The following CNTLN variants were observed in gnomAD, a reference collection of about 807,000 sequenced individuals.
CNTLN encodes centlein, also known as centlein, centrosomal protein.
CNTLN carries 212 observed loss-of-function variants against 180.0 expected under a neutral mutation model. The ratio of observed to expected loss-of-function variants is 1.18; its 90% CI spans 1.05 to 1.32. The LOEUF is 1.32. CNTLN is among the 40% of genes most tolerant of loss of function. CNTLN has a pLI of 0.00. For synonymous variants in CNTLN, 722 were observed against 563.1 expected (o/e 1.28, Z -3.99); for missense variants, 2,095 against 1,610.9 (o/e 1.30, Z -5.14).
Position 17,484,295 on chromosome 9 carries a change from G to C in CNTLN, c.3856G>C (p.Ala1286Pro), listed in dbSNP as rs201242862. 32 of 1,592,290 alleles carry C rather than the reference G, an allele frequency of 2.0e-5. No homozygotes were observed. The highest frequency in any genetic ancestry group is 2.7e-5 in the Non-Finnish European group (32 of 1,174,034). The change falls in exon 24 of 26, where the codon GCT becomes CCT. Residue 1286 changes from alanine to proline, a missense_variant and splice_region_variant. Ala to Pro is a conservative substitution (Grantham distance 27). Transcript: ENST00000380647. ...TCAATTTCTTTCCAATATGTTACAG[G>C]CTTTGGCCAAAGAGTTGCAAAATGA... ...KVEEFTTFVKALAKELQNDVH... is the reference protein window; with the variant it reads ...KVEEFTTFVKPLAKELQNDVH...
At chr9:17,427,758 T>C (rs1240087708) in intron 18 of CNTLN, among the ~76,000 whole-genome samples, 2 of 152,184 alleles carry the variant, frequency 1.3e-5, no homozygotes, top group Non-Finnish European at 2.9e-5. Context: ...TAAGCCAGTG[T>C]TGGGGCTCTC....
Position 17,466,767 on chromosome 9 carries a change from T to G in CNTLN, c.3731T>G (p.Ile1244Ser). ...ISETESAMAE[I>S]ETAASKQLQE... ...GAGACTGAATCTGCAATGGCAGAAA[T>G]TGAAACAGCAGCATCTAAGCAGCTT... Residue 1244 changes from isoleucine (I) to serine (S), a missense_variant, in exon 23 of 26, where the codon ATT becomes AGT. By Grantham distance (142) the Ile-to-Ser change is moderately radical (BLOSUM62 -2). Coordinates refer to ENST00000380647, the MANE Select transcript of CNTLN (RefSeq NM_017738.4). 6.2e-7 allele frequency: 1 copy of G among 1,610,846 alleles called. No homozygotes were observed. Among genetic ancestry groups the G allele is most frequent in the South Asian group, 1.1e-5 (1 of 90,938 alleles).
chr9:17,301,308 C>T (rs1449406880), intron 7 of CNTLN: 5 of 985,298 alleles, frequency 5.1e-6, no homozygotes, highest in Middle Eastern at 5.2e-4. Context: ...AAACACTTTT[C>T]TTCTAGGATT....
intron 18 of CNTLN, 110 bp downstream of exon 18, chr9:17,416,299 T>TA (rs1412047989): frequency 1.1e-6 from 1 of 886,838 alleles, no homozygotes; most frequent in South Asian, 2.1e-5. Flanking sequence ...CTATGAGTTT[T>TA]AAAAAATCCC....
chr9:17,135,412 T>C lies in CNTLN; in HGVS notation c.347T>C (p.Leu116Ser). The stretch of plus-strand genomic sequence containing the variant: ...GAGCTGAGCAGCCTAAAGGAGGAGT[T>C]GGCCCTGTGTCAGGTATCGAGGAGT... ...EEELSSLKEE[L>S]ALCQADKEFV... Residue 116 changes from leucine (L) to serine (S), a missense_variant, in exon 1 of 26, where the codon TTG (leucine) becomes TCG (serine). Physicochemically the swap from Leu to Ser is moderately radical, Grantham distance 145. Transcript: ENST00000380647. The C allele has an allele frequency of 6.3e-7, 1 of 1,596,662 alleles. No individual in the cohort carries two copies. Among genetic ancestry groups the C allele is most frequent in the South Asian group, 1.1e-5 (1 of 87,540 alleles).
intron 5 of CNTLN, among the ~76,000 whole-genome samples, chr9:17,265,158 TATG>T: frequency 6.7e-6 from 1 of 149,574 alleles, no homozygotes; most frequent in Non-Finnish European, 1.5e-5. Context: ...GCCCATTCAG[TATG>T]ATATTGGCTG....
chr9:17,354,674 C>T (rs553716834), intron 12 of CNTLN, among the ~76,000 whole-genome samples: 12 of 152,158 alleles, frequency 7.9e-5, no homozygotes, highest in African/African-American at 1.2e-4. Flanking sequence ...CACCAATCAG[C>T]GCCCTGTCAA....
intron 5 of CNTLN, among the ~76,000 whole-genome samples, chr9:17,246,309 C>T (rs1265850113): frequency 6.6e-6 from 1 of 152,198 alleles, no homozygotes; most frequent in Non-Finnish European, 1.5e-5. Context: ...CATAGAAATA[C>T]TGCCTTGGTG....
intron 2 of CNTLN, among the ~76,000 whole-genome samples, chr9:17,143,630 A>G (rs938508879): frequency 1.3e-5 from 2 of 152,154 alleles, no homozygotes; most frequent in Non-Finnish European, 2.9e-5. Flanking sequence ...TGTCTTAAAT[A>G]CTGTGTGTGT....
chr9:17,294,534 G>A (rs1355245420), intron 6 of CNTLN, among the ~76,000 whole-genome samples: 1 of 151,222 alleles, frequency 6.6e-6, no homozygotes, highest in Non-Finnish European at 1.5e-5. Context: ...TAGATACAGA[G>A]TGCTGATTGG....
intron 18 of CNTLN, among the ~76,000 whole-genome samples, chr9:17,435,186 G>A (rs1274328560): frequency 2.0e-5 from 3 of 152,104 alleles, no homozygotes; most frequent in Non-Finnish European, 2.9e-5. Flanking sequence ...CTGGAGCTTA[G>A]TGCCTAGAGT....
At chr9:17,139,737 C>G (rs376985636) in intron 1 of CNTLN, among the ~76,000 whole-genome samples, 1 of 152,124 alleles carries the variant, frequency 6.6e-6, no homozygotes, top group South Asian at 2.1e-4. Flanking sequence ...GACAGTCTCC[C>G]TCTGTCACCC....
At chr9:17,492,859 G>A (rs1369801249) in intron 25 of CNTLN, among the ~76,000 whole-genome samples, 1 of 152,100 alleles carries the variant, frequency 6.6e-6, no homozygotes, top group Non-Finnish European at 1.5e-5. Context: ...TGAATGAATG[G>A]ATAAACAAAA....
chr9:17,424,932 G>T (rs1269453366), intron 18 of CNTLN, among the ~76,000 whole-genome samples: 1 of 152,064 alleles, frequency 6.6e-6, no homozygotes, highest in African/African-American at 2.4e-5. Context: ...TTATAAATTG[G>T]CTAGTTTGTG....
At chr9:17,454,021 A>T (rs1046917604) in intron 18 of CNTLN, among the ~76,000 whole-genome samples, 1 of 152,198 alleles carries the variant, frequency 6.6e-6, no homozygotes, top group African/African-American at 2.4e-5. Context: ...TAATGTAATC[A>T]TGGGAATGAT....
At chr9:17,413,600 G>A (rs1418975407) in intron 16 of CNTLN, among the ~76,000 whole-genome samples, 1 of 152,114 alleles carries the variant, frequency 6.6e-6, no homozygotes, top group African/African-American at 2.4e-5. Flanking sequence ...AAAATAGGCA[G>A]AAGATATGAG....
chr9:17,391,367 C>T (rs1010360551), intron 14 of CNTLN, among the ~76,000 whole-genome samples: 12 of 152,078 alleles, frequency 7.9e-5, no homozygotes, highest in Non-Finnish European at 1.5e-4. Flanking sequence ...TTTGTATGAC[C>T]TGCCTTAGGG....
chr9:17,372,715 C>T (rs904179119), intron 13 of CNTLN, among the ~76,000 whole-genome samples: 12 of 152,062 alleles, frequency 7.9e-5, no homozygotes, highest in Non-Finnish European at 1.3e-4. Context: ...AACATTGATG[C>T]AGAAAAAACC....
intron 3 of CNTLN, among the ~76,000 whole-genome samples, chr9:17,230,831 C>T (rs1368855756): frequency 1.3e-5 from 2 of 151,996 alleles, no homozygotes; most frequent in Admixed American, 1.3e-4. Flanking sequence ...CCTCTGAGTA[C>T]TGCTTGCCCC....
Sources: gnomAD v4.1 joint callset for allele counts (sites outside exome capture counted in the v4.1 genomes callset) on GRCh38, gnomAD v4.1.1 for gene constraint, MANE v1.5 for transcripts, NCBI Gene and HGNC (gene_info 2026-07-23, HGNC 2026-07-21) for gene names.